TMC8: variants seen among roughly 807,000 people sequenced by gnomAD.
TMC8 encodes transmembrane channel like 8, also known as transmembrane channel-like protein 8.
A neutral mutation model predicts 76.0 loss-of-function variants in TMC8; 71 were observed. The ratio of observed to expected loss-of-function variants is 0.93; its 90% CI spans 0.77 to 1.14. The LOEUF (loss-of-function observed/expected upper bound fraction) is 1.14, where lower values mean the gene tolerates loss of function less well. Ranked by LOEUF, TMC8 falls within the 50% of genes most tolerant of loss-of-function variation. The pLI is 0.00. For missense variants in TMC8, 924 were observed against 947.9 expected (o/e 0.97, Z 0.33); for synonymous variants, 433 against 433.8 (o/e 1.00, Z 0.02).
intron 5 of TMC8, among the ~76,000 whole-genome samples, chr17:78,133,075 C>T (rs2075078678): frequency 6.6e-6 from 1 of 152,168 alleles, no homozygotes; most frequent in South Asian, 2.1e-4. Context: ...CTCATGGACA[C>T]ATGCCCGTGG....
intron 3 of TMC8, 143 bp downstream of exon 3, chr17:78,132,173 C>T (rs1409229443): frequency 7.0e-7 from 1 of 1,419,926 alleles, no homozygotes; most frequent in Non-Finnish European, 9.6e-7. Flanking sequence ...ACCCCTTCCG[C>T]CCGCAGGCAC....
At chr17:78,135,139 A>T in intron 9 of TMC8, 130 bp downstream of exon 9, 1 of 1,240,798 alleles carries the variant, frequency 8.1e-7, no homozygotes, top group African/African-American at 1.5e-5. Context: ...GGCCCAAGGG[A>T]AGGCAGGTAC....
At chr17:78,140,567 C>A (rs1228260985) in intron 15 of TMC8, among the ~76,000 whole-genome samples, 1 of 149,868 alleles carries the variant, frequency 6.7e-6, no homozygotes, top group African/African-American at 2.5e-5. Context: ...TGGTCTCGGG[C>A]GGGGACGTGG....
Position 78,131,528 on chromosome 17 carries a change from G to T in TMC8, c.-61G>T, listed in dbSNP as rs970046172. On this transcript the variant is annotated 5_prime_UTR_variant, in exon 2 of 16. Transcript: ENST00000318430. ...CCAAGGCCTTAAGGCTCATCCAACC[G>T]GGGACTCATATCCCCCCCACCGGCA... The T allele has an allele frequency of 2.0e-6, 3 of 1,533,728 alleles. No individual in the cohort carries two copies. The highest frequency in any genetic ancestry group is 2.6e-6 in the Non-Finnish European group (3 of 1,145,238).
At position 78,133,495 on chromosome 17, in the gene TMC8, C is replaced by T. The variant is rs767898209; in HGVS notation, c.621C>T (p.Leu207=). 4 of 1,613,648 alleles carry T rather than the reference C, an allele frequency of 2.5e-6. No individual in the cohort carries two copies. The highest frequency in any genetic ancestry group is 2.2e-5 in the South Asian group (2 of 91,088). Residue 207 remains leucine (L), a synonymous_variant, in exon 6 of 16, where the codon CTC becomes CTT. Coordinates refer to ENST00000318430, the MANE Select transcript of TMC8 (RefSeq NM_152468.5). ...ACAGCATCCGCCTGGCCTACCTCCT[C>T]AGCCCGCTGGCCTGCCTGCTCCTCT... The part of the protein sequence containing the change: ...SVYSIRLAYL[L]SPLACLLLCF...
chr17:78,139,079 G>T, intron 14 of TMC8, 83 bp from the exon 15 acceptor site: 1 of 1,592,724 alleles, frequency 6.3e-7, no homozygotes, highest in Non-Finnish European at 8.6e-7. Flanking sequence ...GTATTGTAGA[G>T]ATTGAGGTGG....
At chr17:78,139,935 G>C (rs1038657935) in intron 15 of TMC8, among the ~76,000 whole-genome samples, 1 of 152,154 alleles carries the variant, frequency 6.6e-6, no homozygotes, top group Non-Finnish European at 1.5e-5. Flanking sequence ...TAGGGAGGCT[G>C]AGGCAGGAGA....
rs1246872709 is a variant in TMC8, at chr17:78,133,715, C to T, written c.669-138C>T. On this transcript the variant is annotated intron_variant, in intron 6 of 15. Coordinates refer to ENST00000318430, the MANE Select transcript of TMC8 (RefSeq NM_152468.5). ...CAAACCTTAGGAACAGGGCCACCGC[C>T]CCCTACCCCGACTCCTCACTCACCA... 4 of 1,523,822 alleles carry T rather than the reference C, an allele frequency of 2.6e-6. No individual in the cohort carries two copies. In the African/African-American group the frequency reaches 5.5e-5, roughly 21 times the overall value. The allele number at this position is 1,523,822 out of a possible 1,614,324, so 94.4% of individuals were successfully genotyped here. A position where few individuals can be genotyped will look rare whatever the true frequency, so the allele number is the denominator to read the frequency against.
Position 78,133,082 on chromosome 17 carries a change from G to A in TMC8, c.531+212G>A, listed in dbSNP as rs1457158908. On this transcript the variant is annotated intron_variant, in intron 5 of 15. Transcript: ENST00000318430. ...AACATAGACTCATGGACACATGCCC[G>A]TGGTCCTCAGAGCCCAGCTGGTGTA... Among the ~76,000 whole-genome samples, 22 of 152,170 alleles carry A rather than the reference G, an allele frequency of 1.4e-4. 1 individual carries two copies. The highest frequency in any genetic ancestry group is 1.5e-5 in the Non-Finnish European group (1 of 68,020).
In TMC8 at chr17:78,133,511, C is replaced by T. The variant is rs1329292761; in HGVS notation, c.637C>T (p.Leu213=). The T allele has an allele frequency of 6.2e-7, 1 of 1,613,346 alleles. No individual in the cohort carries two copies. Among genetic ancestry groups the T allele is most frequent in the East Asian group, 2.2e-5 (1 of 44,896 alleles). ...CTACCTCCTCAGCCCGCTGGCCTGC[C>T]TGCTCCTCTGCTTCTGTGGGACTCT... ...LAYLLSPLAC[L]LLCFCGTLRR... Residue 213 remains leucine, a synonymous_variant, in exon 6 of 16, where the codon CTG becomes TTG. Transcript: ENST00000318430.
intron 7 of TMC8, among the ~76,000 whole-genome samples, 183 bp from the exon 8 acceptor site, chr17:78,134,211 G>C (rs1451342616): frequency 6.6e-6 from 1 of 152,256 alleles, no homozygotes; most frequent in South Asian, 2.1e-4. Context: ...GACTGAATGG[G>C]TGATGGCGAG....
intron 10 of TMC8, 65 bp from the exon 11 acceptor site, chr17:78,137,652 G>A (rs1451408265): frequency 7.0e-7 from 1 of 1,435,056 alleles, no homozygotes; most frequent in East Asian, 2.3e-5. Flanking sequence ...CCTCACAGGA[G>A]GCTAAGGGAA....
At position 78,135,007 on chromosome 17, in the gene TMC8, CTGGTGAGTGCCACCCTTGG is replaced by C; in HGVS notation, c.1127+2_1127+20del. 6.2e-7 allele frequency: 1 copy of C among 1,614,024 alleles called. No individual in the cohort carries two copies. The highest frequency in any genetic ancestry group is 8.5e-7 in the Non-Finnish European group (1 of 1,179,962). On this transcript the variant is annotated splice_donor_variant and splice_donor_5th_base_variant and coding_sequence_variant and intron_variant, in exon 9 of 16. Coordinates refer to ENST00000318430, the MANE Select transcript of TMC8 (RefSeq NM_152468.5). LOFTEE classifies it high-confidence loss of function. ...ACACGGAGGTCAACCTCACTCTGATCTGGTGAGTGCCACCCTTGGTGGGGACAAGTGGGCATGTAACAAG... is the reference window on the plus strand; with the variant it reads ...ACACGGAGGTCAACCTCACTCTGATCTGGGGACAAGTGGGCATGTAACAAG...
Position 78,138,690 on chromosome 17 carries a change from T to A in TMC8, c.1781T>A (p.Leu594Gln). Reference sequence around the variant, plus strand: ...ATTGGCCAGCGTGCCCTCCACTACCTGGGCTCCCACGCCTTCAGCTTCCCC... The same window carrying A: ...ATTGGCCAGCGTGCCCTCCACTACCAGGGCTCCCACGCCTTCAGCTTCCCC... ...PPIGQRALHY[L>Q]GSHAFSFPLL... Residue 594 changes from leucine (L) to glutamine (Q), a missense_variant, in exon 14 of 16, where the codon CTG (leucine) becomes CAG (glutamine). Transcript: ENST00000318430. 1.2e-6 allele frequency: 2 copies of A among 1,612,944 alleles called. No homozygotes were observed. Among genetic ancestry groups the A allele is most frequent in the Non-Finnish European group, 1.7e-6 (2 of 1,180,026 alleles).
At chr17:78,138,316 C>T (rs1425346978) in intron 12 of TMC8, 33 bp from the exon 13 acceptor site, 3 of 1,610,832 alleles carry the variant, frequency 1.9e-6, no homozygotes, top group Non-Finnish European at 2.5e-6. Flanking sequence ...GCATAACTCG[C>T]TGACTCCTGG....
At chr17:78,140,024 A>G (rs570879663) in intron 15 of TMC8, among the ~76,000 whole-genome samples, 37 of 152,330 alleles carry the variant, frequency 2.4e-4, no homozygotes, top group Admixed American at 5.9e-4. Context: ...CCTGGGCAAC[A>G]AGAGCAAAAC....
In TMC8 at chr17:78,138,340, C is replaced by T. The variant is rs373630545; in HGVS notation, c.1534-9C>T. 18 of 1,610,414 alleles carry T rather than the reference C, an allele frequency of 1.1e-5. No homozygotes were observed. The highest frequency in any genetic ancestry group is 2.2e-5 in the East Asian group (1 of 44,902). The stretch of plus-strand genomic sequence containing the variant: ...GCTGACTCCTGGTTGCTATTGCTTG[C>T]GCCCCCAGTACACCCTCCTGAAGAA... On this transcript the variant is annotated splice_polypyrimidine_tract_variant and intron_variant, in intron 12 of 15. Coordinates refer to ENST00000318430, the MANE Select transcript of TMC8 (RefSeq NM_152468.5).
chr17:78,139,081 T>C (rs2075309097), intron 14 of TMC8, 81 bp from the exon 15 acceptor site: 2 of 1,592,126 alleles, frequency 1.3e-6, no homozygotes, highest in South Asian at 1.1e-5. Context: ...ATTGTAGAGA[T>C]TGAGGTGGGG....
In TMC8 at chr17:78,141,450, T is replaced by C. The variant is rs1213224604; in HGVS notation, c.*338T>C. 4.8e-6 allele frequency: 1 copy of C among 206,958 alleles called. No individual in the cohort carries two copies. Among genetic ancestry groups the C allele is most frequent in the Non-Finnish European group, 9.6e-6 (1 of 103,898 alleles). The allele number at this position is 206,958 out of a possible 1,614,324, so 12.8% of individuals were successfully genotyped here. On this transcript the variant is annotated 3_prime_UTR_variant, in exon 16 of 16. Transcript: ENST00000318430. ...GTGCAATTTATACACATACATCTATTGGGAATGCTCAGAAGTTGTTTACTG... is the reference window on the plus strand; with the variant it reads ...GTGCAATTTATACACATACATCTATCGGGAATGCTCAGAAGTTGTTTACTG...
Sources: gnomAD v4.1 joint callset for allele counts (sites outside exome capture counted in the v4.1 genomes callset) on GRCh38, gnomAD v4.1.1 for gene constraint, MANE v1.5 for transcripts, NCBI Gene and HGNC (gene_info 2026-07-23, HGNC 2026-07-21) for gene names.